Variants in HDX observed in about 807,000 individuals in gnomAD.
The protein encoded by HDX is chromosome X open reading frame 43.
In HDX, 19 loss-of-function variants were observed where a neutral mutation model predicts 45.2. The observed-to-expected ratio is 0.42, with a 90% CI of 0.29 to 0.62. The LOEUF is 0.62. Among genes scored for constraint, HDX ranks in the 20% least tolerant of loss-of-function variants. The pLI, the probability that HDX is intolerant of heterozygous loss-of-function variation, is 0.20. For missense variants in HDX, 532 were observed against 493.9 expected, an observed-to-expected ratio of 1.08 and a Z score of -0.73; for synonymous variants, 188 against 172.8, an observed-to-expected ratio of 1.09 and a Z score of -0.69.
intron 3 of HDX, among the ~76,000 whole-genome samples, chrX:84,473,430 T>A (rs1242273457): frequency 9.1e-6 from 1 of 109,430 alleles, no homozygotes; most frequent in Non-Finnish European, 1.9e-5. Context: ...CAAATATGTG[T>A]TGGGATTTAG....
chrX:84,422,855 A>C (rs894057588), intron 5 of HDX, among the ~76,000 whole-genome samples: 1 of 108,067 alleles, frequency 9.3e-6, no homozygotes, highest in African/African-American at 3.4e-5. Flanking sequence ...TTTTTAGTAG[A>C]GATGGGGTTT....
intron 5 of HDX, among the ~76,000 whole-genome samples, chrX:84,416,551 T>C (rs1163659507): frequency 9.0e-6 from 1 of 111,067 alleles, no homozygotes; most frequent in Admixed American, 9.6e-5. Context: ...CTAGACCTAG[T>C]TCATTAGTTC....
chrX:84,336,831 C>T lies in HDX; in HGVS notation c.1710G>A (p.Glu570=). ...TATCTGTGGTTACTGCATGGTGGTC[C>T]TCTTCCTTATGAGCCCTTGCATCAT... ...VPNDARAHKE[E]DHHAVTTDNV... is the part of the protein sequence containing the mutation. The change falls in exon 8 of 11, where the codon GAG becomes GAA. Residue 570 remains glutamate (E), a synonymous_variant. Coordinates refer to ENST00000373177, the MANE Select transcript of HDX (RefSeq NM_001177479.2). 8.4e-7 allele frequency: 1 copy of T among 1,189,357 alleles called. No homozygotes were observed. The highest frequency in any genetic ancestry group is 1.1e-6 in the Non-Finnish European group (1 of 878,322).
chrX:84,482,462 G>A, intron 2 of HDX, among the ~76,000 whole-genome samples: 1 of 111,490 alleles, frequency 9.0e-6, no homozygotes, highest in Non-Finnish European at 1.9e-5. Flanking sequence ...ATCTTCACAT[G>A]ATGGCAGGAA....
At chrX:84,331,654 T>C (rs182114428) in intron 9 of HDX, among the ~76,000 whole-genome samples, 280 of 111,614 alleles carry the variant, frequency 2.5e-3, no homozygotes, top group African/African-American at 8.8e-3. Flanking sequence ...ATGACAGTCA[T>C]CCCATAAAAT....
intron 5 of HDX, among the ~76,000 whole-genome samples, chrX:84,421,035 A>G (rs2039241685): frequency 8.9e-6 from 1 of 112,118 alleles, no homozygotes; most frequent in African/African-American, 3.2e-5. Context: ...AGAGTACTTC[A>G]ATCAAAACAA....
chrX:84,430,419 T>G (rs1289944342), intron 5 of HDX, among the ~76,000 whole-genome samples: 1 of 111,425 alleles, frequency 9.0e-6, no homozygotes, highest in Non-Finnish European at 1.9e-5. Flanking sequence ...CATTCATCTG[T>G]TGTTGTACAC....
At position 84,333,848 on chromosome X, in the gene HDX, A is replaced by G. The variant is rs762198414; in HGVS notation, c.1741-6T>C. 1.3e-6 allele frequency: 1 copy of G among 797,474 alleles called. No individual in the cohort carries two copies. The highest frequency in any genetic ancestry group is 1.9e-6 in the Non-Finnish European group (1 of 536,946). The allele number at this position is 797,474 out of a possible 1,213,427, so 65.7% of individuals were successfully genotyped here. On this transcript the variant is annotated splice_polypyrimidine_tract_variant and splice_region_variant and intron_variant, in intron 8 of 10. Coordinates refer to ENST00000373177, the MANE Select transcript of HDX (RefSeq NM_001177479.2). ...TCATCAATAATTTCTATTTTCTGTAACACAAGTAGAGAAGTTACAAATATA... is the reference window on the plus strand; with the variant it reads ...TCATCAATAATTTCTATTTTCTGTAGCACAAGTAGAGAAGTTACAAATATA...
intron 3 of HDX, 48 bp from the exon 4 acceptor site, chrX:84,469,623 G>T: frequency 9.5e-7 from 1 of 1,049,162 alleles, no homozygotes; most frequent in Non-Finnish European, 1.3e-6. Context: ...AAAAACAAAC[G>T]AAGAAAAAAC....
At chrX:84,395,518 A>T (rs2038541091) in intron 5 of HDX, among the ~76,000 whole-genome samples, 1 of 110,800 alleles carries the variant, frequency 9.0e-6, no homozygotes, top group South Asian at 3.8e-4. Context: ...TCTTTCTTTG[A>T]CTTTAGAAAG....
intron 5 of HDX, among the ~76,000 whole-genome samples, chrX:84,396,147 T>C (rs1194687530): frequency 1.8e-5 from 2 of 112,438 alleles, no homozygotes; most frequent in African/African-American, 6.5e-5. Context: ...CTCTATGTTG[T>C]TATGTTGATA....
intron 5 of HDX, among the ~76,000 whole-genome samples, chrX:84,371,892 A>G (rs1455638322): frequency 8.9e-6 from 1 of 112,013 alleles, no homozygotes; most frequent in African/African-American, 3.2e-5. Context: ...TTGGCTGCCC[A>G]CTTTCACCAT....
At chrX:84,401,002 G>T (rs1271274962) in intron 5 of HDX, among the ~76,000 whole-genome samples, 1 of 112,039 alleles carries the variant, frequency 8.9e-6, no homozygotes, top group Non-Finnish European at 1.9e-5. Flanking sequence ...CCAGCCATAT[G>T]CAGAAAACTG....
intron 5 of HDX, among the ~76,000 whole-genome samples, chrX:84,382,981 T>C (rs1000474840): frequency 6.3e-5 from 7 of 111,282 alleles, no homozygotes; most frequent in African/African-American, 2.3e-4. Context: ...ATATACCTAC[T>C]ATGTACCCTC....
intron 4 of HDX, among the ~76,000 whole-genome samples, chrX:84,451,559 T>A (rs2039998855): frequency 9.1e-6 from 1 of 110,074 alleles, no homozygotes; most frequent in South Asian, 3.8e-4. Context: ...AAAAGAAAAG[T>A]CCAAGACTGA....
Position 84,443,334 on chromosome X carries a change from C to T in HDX, c.1252-2749G>A, listed in dbSNP as rs765970530. 1.1e-4 allele frequency among the ~76,000 whole-genome samples: 12 copies of T among 111,259 alleles called. No individual in the cohort carries two copies. In the South Asian group the frequency reaches 1.1e-3, roughly 10 times the overall value. On this transcript the variant is annotated intron_variant, in intron 4 of 10. Coordinates refer to ENST00000373177, the MANE Select transcript of HDX (RefSeq NM_001177479.2). ...TATGAAATGCAATATTCAGATTAGA[C>T]GGGTAATACACATCTCACTTAAATG...
chrX:84,478,827 C>G (rs1230554728), intron 2 of HDX, among the ~76,000 whole-genome samples: 2 of 111,052 alleles, frequency 1.8e-5, no homozygotes, highest in Non-Finnish European at 3.8e-5. Flanking sequence ...CCATTGCACT[C>G]CAGCCTGGGT....
rs570033073 is a variant in HDX, at chrX:84,374,558, A to ATAGATATAGATCAATG, written c.1306-12947_1306-12946insCATTGATCTATATCTA. 1.3e-4 allele frequency among the ~76,000 whole-genome samples: 11 copies of ATAGATATAGATCAATG among 87,150 alleles called. 1 individual carries two copies. In the South Asian group the frequency reaches 4.8e-3, roughly 38 times the overall value. The allele number at this position is 87,150 out of a possible 115,157, so 75.7% of individuals were successfully genotyped here. ...AACAGCATGGGACTGGTACCAAAAC[A>ATAGATATAGATCAATG]GAACAGAACAGAGCCCTTGGAAATA... On this transcript the variant is annotated intron_variant, in intron 5 of 10. Transcript: ENST00000373177.
intron 5 of HDX, among the ~76,000 whole-genome samples, chrX:84,435,335 G>GT (rs1437148912): frequency 4.5e-5 from 5 of 111,236 alleles, no homozygotes; most frequent in African/African-American, 1.6e-4. Flanking sequence ...TTTTTCATGT[G>GT]TTTTTTGGCT....
Sources: allele counts gnomAD v4.1 joint callset (sites outside exome capture counted in the v4.1 genomes callset), GRCh38; gene constraint gnomAD v4.1.1; transcripts MANE v1.5; gene names NCBI Gene and HGNC (gene_info 2026-07-23, HGNC 2026-07-21).